The following MALRD1 variants were observed in gnomAD, a reference collection of about 807,000 sequenced individuals.
MALRD1 encodes MAM and LDL receptor class A domain containing 1.
Under a neutral mutation model 242.1 loss-of-function variants are expected in MALRD1, and 247 were observed. That is an observed-to-expected ratio of 1.02 (90% confidence interval 0.92 to 1.13). MALRD1 has a LOEUF of 1.13. MALRD1 is among the 50% of genes most tolerant of loss of function. The pLI, the probability that MALRD1 is intolerant of heterozygous loss-of-function variation, is 0.00. For synonymous variants in MALRD1, 995 were observed against 866.6 expected, an observed-to-expected ratio of 1.15 and a Z score of -2.60; for missense variants, 2,989 against 2,533.1, an observed-to-expected ratio of 1.18 and a Z score of -3.86.
intron 36 of MALRD1, among the ~76,000 whole-genome samples, chr10:19,678,463 C>A (rs1842227931): frequency 6.6e-6 from 1 of 152,042 alleles, no homozygotes; most frequent in Admixed American, 6.6e-5. Flanking sequence ...TGATTTGGCT[C>A]TCTGCTCGTA....
intron 24 of MALRD1, 45 bp downstream of exon 24, chr10:19,331,627 A>G: frequency 7.0e-7 from 1 of 1,438,364 alleles, no homozygotes. Context: ...TTCAACTCCC[A>G]CAGCCTTACT....
At chr10:19,501,223 G>T (rs527976183) in intron 31 of MALRD1, among the ~76,000 whole-genome samples, 2 of 152,272 alleles carry the variant, frequency 1.3e-5, no homozygotes, top group East Asian at 3.9e-4. Context: ...TCTCAACCTG[G>T]TTGCTAATGA....
intron 36 of MALRD1, among the ~76,000 whole-genome samples, chr10:19,676,692 G>T (rs529287050): frequency 6.6e-6 from 1 of 151,986 alleles, no homozygotes. Flanking sequence ...TTTTAGTTCC[G>T]GGGTACATGT....
At position 19,692,520 on chromosome 10, in the gene MALRD1, T is replaced by C. The variant is rs1473984037; in HGVS notation, c.6280T>C (p.Leu2094=). ...FLMTHITVAV[L]CFLANRKVPI... ...GATGACTCACATCACAGTTGCAGTCTTGTGTTTTCTTGCAAACAGAAAGGT... is the reference window on the plus strand; with the variant it reads ...GATGACTCACATCACAGTTGCAGTCCTGTGTTTTCTTGCAAACAGAAAGGT... The change falls in exon 38 of 40, where the codon TTG becomes CTG. Residue 2094 remains leucine, a synonymous_variant. Transcript: ENST00000454679. 1 of 1,535,824 alleles carries C rather than the reference T, an allele frequency of 6.5e-7. No individual in the cohort carries two copies. The highest frequency in any genetic ancestry group is 1.2e-5 in the South Asian group (1 of 84,040).
chr10:19,265,987 T>A (rs1839958931), intron 19 of MALRD1, among the ~76,000 whole-genome samples: 1 of 152,042 alleles, frequency 6.6e-6, no homozygotes, highest in East Asian at 1.9e-4. Context: ...CTTTTTACCA[T>A]TTTTTGCTTA....
chr10:19,422,159 C>A (rs1276928943), intron 28 of MALRD1, among the ~76,000 whole-genome samples: 2 of 152,164 alleles, frequency 1.3e-5, no homozygotes, highest in Admixed American at 1.3e-4. Context: ...CCATTTAAAT[C>A]ATGCTCTTTT....
intron 18 of MALRD1, among the ~76,000 whole-genome samples, chr10:19,252,936 G>C (rs1033932716): frequency 6.6e-6 from 1 of 151,954 alleles, no homozygotes; most frequent in African/African-American, 2.4e-5. Flanking sequence ...CCAGCAAATA[G>C]TTCCCTCAGT....
intron 28 of MALRD1, among the ~76,000 whole-genome samples, chr10:19,447,734 A>G (rs1210654860): frequency 1.2e-5 from 1 of 85,284 alleles, no homozygotes; most frequent in Non-Finnish European, 2.8e-5. Flanking sequence ...TAGGAGTCAG[A>G]TAGACCACCC....
At chr10:19,127,078 G>T (rs1837306053) in intron 7 of MALRD1, among the ~76,000 whole-genome samples, 1 of 152,140 alleles carries the variant, frequency 6.6e-6, no homozygotes. Context: ...TCCTGCAAAG[G>T]ACATGATCTC....
intron 14 of MALRD1, among the ~76,000 whole-genome samples, chr10:19,190,699 A>G (rs1389720915): frequency 6.6e-6 from 1 of 151,126 alleles, no homozygotes; most frequent in African/African-American, 2.4e-5. Flanking sequence ...ACACCATTCA[A>G]TTGGTAAAAT....
chr10:19,422,897 C>A (rs1353075431), intron 28 of MALRD1, among the ~76,000 whole-genome samples: 1 of 152,144 alleles, frequency 6.6e-6, no homozygotes, highest in Non-Finnish European at 1.5e-5. Flanking sequence ...GGCCTGCACT[C>A]TGTTTCTATC....
intron 17 of MALRD1, 111 bp from the exon 18 acceptor site, chr10:19,209,157 T>C (rs1836924237): frequency 9.8e-7 from 1 of 1,019,462 alleles, no homozygotes; most frequent in South Asian, 2.4e-5. Context: ...ATGGCTTACC[T>C]TGGCATGAGC....
intron 28 of MALRD1, among the ~76,000 whole-genome samples, chr10:19,423,212 C>T (rs771418563): frequency 8.6e-5 from 13 of 152,000 alleles, no homozygotes; most frequent in Non-Finnish European, 1.8e-4. Flanking sequence ...ACAAACAGAT[C>T]TAGGATATTG....
At chr10:19,702,540 T>C (rs1833674452) in intron 38 of MALRD1, among the ~76,000 whole-genome samples, 1 of 152,216 alleles carries the variant, frequency 6.6e-6, no homozygotes, top group South Asian at 2.1e-4. Flanking sequence ...TATGCATAAT[T>C]TGTATCCAAT....
chr10:19,491,218 CA>C, intron 29 of MALRD1: 1 of 602,424 alleles, frequency 1.7e-6, no homozygotes, highest in Non-Finnish European at 2.9e-6. Flanking sequence ...TACCCTTTAC[CA>C]GGTTCCAGGT....
intron 9 of MALRD1, among the ~76,000 whole-genome samples, chr10:19,136,321 G>T (rs959070480): frequency 6.7e-6 from 1 of 150,282 alleles, no homozygotes; most frequent in East Asian, 2.0e-4. Context: ...GCCTTTAGTG[G>T]AGCAAATGTT....
At chr10:19,300,644 A>G (rs1841908959) in intron 21 of MALRD1, among the ~76,000 whole-genome samples, 1 of 152,008 alleles carries the variant, frequency 6.6e-6, no homozygotes, top group Admixed American at 6.6e-5. Flanking sequence ...TGCTGGGATA[A>G]CTGGCTAGAT....
At chr10:19,398,934 A>T (rs1244455316) in intron 28 of MALRD1, among the ~76,000 whole-genome samples, 3 of 152,230 alleles carry the variant, frequency 2.0e-5, no homozygotes, top group African/African-American at 4.8e-5. Context: ...CCAACTAGAC[A>T]TCAGGCCTGC....
At chr10:19,146,879 T>C (rs1358944218) in intron 11 of MALRD1, among the ~76,000 whole-genome samples, 1 of 152,216 alleles carries the variant, frequency 6.6e-6, no homozygotes, top group East Asian at 1.9e-4. Flanking sequence ...AGAGGAACCA[T>C]AACTACCTGT....
Sources: gnomAD v4.1 joint callset for allele counts (sites outside exome capture counted in the v4.1 genomes callset) on GRCh38, gnomAD v4.1.1 for gene constraint, MANE v1.5 for transcripts, NCBI Gene and HGNC (gene_info 2026-07-23, HGNC 2026-07-21) for gene names.